TBL1XR1: variants seen among roughly 807,000 people sequenced by gnomAD.
TBL1XR1 encodes the protein F-box-like/WD repeat-containing protein TBL1XR1.
A neutral mutation model predicts 66.9 loss-of-function variants in TBL1XR1; 5 were observed. The ratio of observed to expected loss-of-function variants is 0.07; its 90% CI spans 0.04 to 0.16. TBL1XR1 has a LOEUF of 0.16. Among genes scored for constraint, TBL1XR1 ranks in the 10% least tolerant of loss-of-function variants. The pLI is 1.00. For missense variants in TBL1XR1, 238 were observed against 623.2 expected (o/e 0.38, Z 6.58); for synonymous variants, 210 against 206.0 (o/e 1.02, Z -0.17).
intron 1 of TBL1XR1, among the ~76,000 whole-genome samples, chr3:177,132,591 A>G (rs2108791017): frequency 6.6e-6 from 1 of 152,340 alleles, no homozygotes; most frequent in South Asian, 2.1e-4. Context: ...TTAAAAAAAT[A>G]AAACCGAATG....
chr3:177,064,412 T>A (rs1276020946), intron 3 of TBL1XR1, among the ~76,000 whole-genome samples: 1 of 152,214 alleles, frequency 6.6e-6, no homozygotes, highest in African/African-American at 2.4e-5. Flanking sequence ...TGATTTAATA[T>A]TAGTTGCAAA....
At chr3:177,090,836 C>G (rs1280295249) in intron 2 of TBL1XR1, among the ~76,000 whole-genome samples, 2 of 151,504 alleles carry the variant, frequency 1.3e-5, no homozygotes, top group African/African-American at 4.9e-5. Context: ...GAAGTTAAAA[C>G]AATTAGCCAG....
chr3:177,043,544 T>C (rs1350106294), intron 10 of TBL1XR1, among the ~76,000 whole-genome samples: 1 of 152,174 alleles, frequency 6.6e-6, no homozygotes, highest in African/African-American at 2.4e-5. Context: ...AGTGATAGCA[T>C]GGTATTTATT....
chr3:177,049,959 C>A, intron 7 of TBL1XR1, 38 bp downstream of exon 7: 1 of 1,603,680 alleles, frequency 6.2e-7, no homozygotes, highest in Non-Finnish European at 8.5e-7. Context: ...GTTAGGTATA[C>A]TAGTAATTAT....
intron 2 of TBL1XR1, among the ~76,000 whole-genome samples, chr3:177,092,893 C>T (rs1208895919): frequency 6.6e-6 from 1 of 151,972 alleles, no homozygotes; most frequent in Non-Finnish European, 1.5e-5. Context: ...AAATGTCTAC[C>T]AACAGATGAA....
intron 1 of TBL1XR1, among the ~76,000 whole-genome samples, chr3:177,186,767 T>C (rs1350456631): frequency 1.3e-5 from 2 of 152,162 alleles, no homozygotes; most frequent in Admixed American, 6.5e-5. Context: ...AAAATTTCCA[T>C]ATAGATCCCC....
At chr3:177,077,638 A>G (rs1368399543) in intron 2 of TBL1XR1, among the ~76,000 whole-genome samples, 1 of 152,104 alleles carries the variant, frequency 6.6e-6, no homozygotes, top group Non-Finnish European at 1.5e-5. Context: ...CTTTATATGC[A>G]CTTTACTCTT....
At chr3:177,097,382 T>A (rs747056890) in intron 2 of TBL1XR1, among the ~76,000 whole-genome samples, 63 of 152,320 alleles carry the variant, frequency 4.1e-4, no homozygotes, top group Non-Finnish European at 6.9e-4. Flanking sequence ...AAATTTTTTT[T>A]AAGAGAGAAT....
intron 3 of TBL1XR1, among the ~76,000 whole-genome samples, chr3:177,055,542 C>G (rs902950368): frequency 0.095 from 174 of 1,822 alleles, no homozygotes; most frequent in Non-Finnish European, 0.031. Context: ...AGATACCAAT[C>G]GGGGGGCGGG....
intron 1 of TBL1XR1, chr3:177,131,475 A>AT (rs1264662724): frequency 3.6e-6 from 3 of 831,104 alleles, no homozygotes; most frequent in Admixed American, 1.2e-4. Context: ...ACAAAAAAAA[A>AT]CTAAATTAAA....
At chr3:177,109,430 T>C (rs1251129803) in intron 1 of TBL1XR1, among the ~76,000 whole-genome samples, 1 of 152,170 alleles carries the variant, frequency 6.6e-6, no homozygotes, top group East Asian at 1.9e-4. Flanking sequence ...TTGTTTTGTT[T>C]TTGTATTTTG....
chr3:177,147,047 CTT>C (rs559312015), intron 1 of TBL1XR1, among the ~76,000 whole-genome samples: 16 of 140,868 alleles, frequency 1.1e-4, no homozygotes, highest in Admixed American at 1.4e-4. Context: ...ATTCCTAAGA[CTT>C]TTTTTTTTTT....
At chr3:177,118,834 A>ATACT (rs10662719) in intron 1 of TBL1XR1, among the ~76,000 whole-genome samples, 137,513 of 151,912 alleles carry the variant, frequency 0.91, 62,344 homozygotes, top group East Asian at 0.95. Context: ...AAATCAAGAG[A>ATACT]TACGATTTAG....
chr3:177,063,056 C>T (rs918947785), intron 3 of TBL1XR1, among the ~76,000 whole-genome samples: 2 of 151,994 alleles, frequency 1.3e-5, no homozygotes, highest in African/African-American at 4.8e-5. Flanking sequence ...ATCGCTTGAA[C>T]CCGCCGCCGA....
intron 1 of TBL1XR1, among the ~76,000 whole-genome samples, chr3:177,165,523 G>A (rs1279146438): frequency 3.3e-5 from 5 of 152,098 alleles, no homozygotes; most frequent in Admixed American, 2.0e-4. Context: ...TTTTGAAGGA[G>A]AGAACAAAGT....
rs973770725 is a variant in TBL1XR1 at position 177,021,020 on chromosome 3, T to C, written c.*4478A>G. The C allele has an allele frequency of 2.0e-5, 3 of 152,176 alleles. No homozygotes were observed. The highest frequency in any genetic ancestry group is 4.4e-5 in the Non-Finnish European group (3 of 67,998). The allele number at this position is 152,176 out of a possible 1,614,324, so 9.4% of individuals were successfully genotyped here. On this transcript the variant is annotated 3_prime_UTR_variant, in exon 16 of 16. Coordinates refer to ENST00000457928, the MANE Select transcript of TBL1XR1 (RefSeq NM_024665.7). Reference sequence around the variant, plus strand: ...ATGAAAACTGAACAATGAAGTTCTTTAACATGTACAAAAACCTGTCATGGG... The same window carrying C: ...ATGAAAACTGAACAATGAAGTTCTTCAACATGTACAAAAACCTGTCATGGG...
chr3:177,115,383 T>C (rs994420182), intron 1 of TBL1XR1, among the ~76,000 whole-genome samples: 1 of 152,194 alleles, frequency 6.6e-6, no homozygotes, highest in Admixed American at 6.5e-5. Flanking sequence ...TACATCATTT[T>C]TCTCCTTTTG....
chr3:177,054,679 C>T (rs73881952), intron 3 of TBL1XR1, among the ~76,000 whole-genome samples: 426 of 152,140 alleles, frequency 2.8e-3, no homozygotes, highest in African/African-American at 9.8e-3. Context: ...AAAATCATAA[C>T]GGTTAAATCT....
At chr3:177,160,129 A>C (rs1732003227) in intron 1 of TBL1XR1, among the ~76,000 whole-genome samples, 1 of 152,100 alleles carries the variant, frequency 6.6e-6, no homozygotes, top group Admixed American at 6.6e-5. Context: ...ATAACAAGTA[A>C]ATTGAAGAGC....
Sources: gnomAD v4.1 joint callset for allele counts (sites outside exome capture counted in the v4.1 genomes callset) on GRCh38, gnomAD v4.1.1 for gene constraint, MANE v1.5 for transcripts, NCBI Gene and HGNC (gene_info 2026-07-23, HGNC 2026-07-21) for gene names.